WDR26: variants seen among roughly 807,000 people sequenced by gnomAD.
WDR26 encodes the protein WD repeat-containing protein 26.
In WDR26, 5 loss-of-function variants were observed where a neutral mutation model predicts 84.1. The observed-to-expected ratio is 0.06, with a 90% CI of 0.03 to 0.13. WDR26 has a LOEUF of 0.13. Ranked by LOEUF, WDR26 falls within the 10% of genes least tolerant of loss-of-function variation. WDR26 has a pLI of 1.00. For missense variants in WDR26, 642 were observed against 974.9 expected (o/e 0.66, Z 4.55); for synonymous variants, 415 against 389.6 (o/e 1.07, Z -0.77).
At chr1:224,429,742 AAAAG>A (rs2102924527) in intron 3 of WDR26, 1 of 152,320 alleles carries the variant, frequency 6.6e-6, no homozygotes, top group East Asian at 1.9e-4. Context: ...ACAGGCTGTA[AAAAG>A]AAAGGATTCC....
Position 224,393,982 on chromosome 1 carries a change from A to G in WDR26, c.2106T>C (p.Ser702=). 6.5e-7 allele frequency: 1 copy of G among 1,535,202 alleles called. No individual in the cohort carries two copies. The highest frequency in any genetic ancestry group is 8.9e-7 in the Non-Finnish European group (1 of 1,121,524). ...CTGTCAGCTCCGCAATTGGCAGTTC[A>G]CTACGTTTGTGCCAGATGTAAACCT... is the stretch of plus-strand genomic sequence containing the variant. The change falls in exon 13 of 14, where the codon AGT becomes AGC. Residue 702 remains serine (S), a synonymous_variant. Transcript: ENST00000414423.
chr1:224,422,260 T>C (rs1674085362), intron 4 of WDR26, among the ~76,000 whole-genome samples: 1 of 152,028 alleles, frequency 6.6e-6, no homozygotes, highest in Non-Finnish European at 1.5e-5. Context: ...ACTAGAGTAA[T>C]GAATAAAGAA....
chr1:224,418,501 T>C (rs1673969737), intron 5 of WDR26, 85 bp from the exon 6 acceptor site: 1 of 1,300,162 alleles, frequency 7.7e-7, no homozygotes, highest in Non-Finnish European at 1.0e-6. Context: ...TCTGCTGTAC[T>C]TGTTCCTACC....
intron 13 of WDR26, among the ~76,000 whole-genome samples, chr1:224,392,901 T>TAA (rs201845991): frequency 3.7e-5 from 5 of 134,422 alleles, no homozygotes; most frequent in Non-Finnish European, 8.1e-5. Context: ...TCTTTCTCAC[T>TAA]AAAAAAAAAA....
intron 7 of WDR26, among the ~76,000 whole-genome samples, chr1:224,408,942 C>A (rs553345576): frequency 1.1e-4 from 17 of 152,106 alleles, no homozygotes; most frequent in Non-Finnish European, 2.1e-4. Context: ...GAAAAAGACA[C>A]AACTCTATTA....
At chr1:224,412,260 T>A (rs1403723478) in intron 6 of WDR26, among the ~76,000 whole-genome samples, 1 of 152,172 alleles carries the variant, frequency 6.6e-6, no homozygotes, top group Non-Finnish European at 1.5e-5. Context: ...ACAGGAGAAG[T>A]GCAATATATG....
chr1:224,414,317 G>A (rs1466137752), intron 6 of WDR26, among the ~76,000 whole-genome samples: 1 of 151,854 alleles, frequency 6.6e-6, no homozygotes, highest in Non-Finnish European at 1.5e-5. Flanking sequence ...TGTTGCCCAG[G>A]CTGGTCTCAA....
Position 224,391,099 on chromosome 1 carries a change from T to C in WDR26, c.2261-1239A>G, listed in dbSNP as rs181996303. ...TTATGCATCCTTAAAAAAAAAAATA[T>C]CATGCCTGTAATCCCAGTACTTTGG... On this transcript the variant is annotated intron_variant, in intron 13 of 13. Transcript: ENST00000414423. Among the ~76,000 whole-genome samples, 789 of 151,706 alleles carry C rather than the reference T, an allele frequency of 5.2e-3. 5 individuals carry two copies. The highest frequency in any genetic ancestry group is 0.017 in the South Asian group (81 of 4,790).
intron 10 of WDR26, 57 bp downstream of exon 10, chr1:224,398,832 T>C (rs975221199): frequency 1.3e-6 from 2 of 1,598,914 alleles, no homozygotes; most frequent in Non-Finnish European, 1.7e-6. Flanking sequence ...CAAGTTCCAC[T>C]ACACATTTGA....
chr1:224,418,196 A>T, intron 6 of WDR26, 64 bp downstream of exon 6: 4 of 1,459,124 alleles, frequency 2.7e-6, no homozygotes, highest in Non-Finnish European at 3.7e-6. Flanking sequence ...AAGACTCTAA[A>T]AAAGAAAACT....
At chr1:224,398,630 T>A (rs1224344896) in intron 10 of WDR26, 37 bp from the exon 11 acceptor site, 2 of 1,534,834 alleles carry the variant, frequency 1.3e-6, no homozygotes, top group African/African-American at 1.4e-5. Flanking sequence ...AACAACATAT[T>A]AACAGTCAAG....
chr1:224,404,703 T>C (rs553709689), intron 7 of WDR26, 133 bp from the exon 8 acceptor site: 1 of 1,078,716 alleles, frequency 9.3e-7, no homozygotes, highest in East Asian at 2.6e-5. Context: ...AATTTTCCCT[T>C]TAACAGCTTG....
chr1:224,406,120 G>T (rs1673542360), intron 7 of WDR26, among the ~76,000 whole-genome samples: 1 of 152,208 alleles, frequency 6.6e-6, no homozygotes, highest in African/African-American at 2.4e-5. Context: ...AGAGGCTGAG[G>T]CTGGAGGACT....
At chr1:224,416,897 A>G (rs1673920620) in intron 6 of WDR26, among the ~76,000 whole-genome samples, 1 of 152,188 alleles carries the variant, frequency 6.6e-6, no homozygotes, top group Non-Finnish European at 1.5e-5. Context: ...TTTTATACAA[A>G]AAGATTTTTA....
rs1279122042 is a variant in WDR26, at chr1:224,413,187, AAAC to A, written c.1320-1625_1320-1623del. The A allele has an allele frequency of 2.4e-5, 19 of 776,670 alleles. No homozygotes were observed. The African/African-American group carries it at 3.3e-4, about 14-fold the overall frequency. 48.1% of individuals were successfully genotyped at this position (776,670 alleles called of 1,614,324 possible). Reference sequence around the variant, plus strand: ...CTGGGTGACAGAGTGAGATAGTCTCAAACAACAACAACAACAAAAACCCCCCCC... The same window carrying A: ...CTGGGTGACAGAGTGAGATAGTCTCAAACAACAACAACAAAAACCCCCCCC... On this transcript the variant is annotated intron_variant, in intron 6 of 13. Transcript: ENST00000414423.
rs769063024 is a variant in WDR26 at position 224,427,103 on chromosome 1, C to CAAAAAAAAAAAA, written c.928-2450_928-2449insTTTTTTTTTTTT. ...GGGCAACGAGAGCAAAACTCTGTCT[C>CAAAAAAAAAAAA]CAAAAAAAAAAAAAAAAAAAAAAAG... On this transcript the variant is annotated intron_variant, in intron 3 of 13. Transcript: ENST00000414423. 5.3e-4 allele frequency among the ~76,000 whole-genome samples: 48 copies of CAAAAAAAAAAAA among 91,158 alleles called. 4 individuals are homozygous for CAAAAAAAAAAAA. Among genetic ancestry groups the CAAAAAAAAAAAA allele is most frequent in the African/African-American group, 7.3e-4 (17 of 23,148 alleles). 59.8% of individuals were successfully genotyped at this position (91,158 alleles called of 152,430 possible). A position where few individuals can be genotyped will look rare whatever the true frequency, so the allele number is the denominator to read the frequency against.
In WDR26 at chr1:224,419,578, T is replaced by C. The variant is rs749923365; in HGVS notation, c.1102A>G (p.Lys368Glu). ...GTCCCTTTGCCTTCCCATTCTGCTT[T>C]TGCACGTAGGTCTTCTGCATGGCTA... Residue 368 changes from lysine to glutamate, a missense_variant, in exon 5 of 14, where the codon AAA becomes GAA. This residue lies in a region of WDR26 where 351 missense variants were observed against 672.8 expected (regional missense o/e 0.52). Transcript: ENST00000414423. The C allele has an allele frequency of 2.2e-5, 35 of 1,613,952 alleles. No individual in the cohort carries two copies. Among genetic ancestry groups the C allele is most frequent in the Non-Finnish European group, 7.6e-6 (9 of 1,179,974 alleles).
At chr1:224,415,443 G>A (rs1466955844) in intron 6 of WDR26, among the ~76,000 whole-genome samples, 4 of 139,380 alleles carry the variant, frequency 2.9e-5, no homozygotes, top group Admixed American at 7.4e-5. Context: ...TCTGGAACAC[G>A]TATTTCTTTC....
At chr1:224,408,589 C>T (rs1435446137) in intron 7 of WDR26, among the ~76,000 whole-genome samples, 3 of 149,360 alleles carry the variant, frequency 2.0e-5, no homozygotes, top group Non-Finnish European at 4.4e-5. Flanking sequence ...ATCCCAAACT[C>T]TTTTTCTAGT....
Sources: allele counts gnomAD v4.1 joint callset (sites outside exome capture counted in the v4.1 genomes callset), GRCh38; gene constraint gnomAD v4.1.1; regional missense constraint gnomAD v4.1.1; transcripts MANE v1.5; gene names NCBI Gene and HGNC (gene_info 2026-07-23, HGNC 2026-07-21).